The following AAK1 variants were observed in gnomAD, a reference collection of about 807,000 sequenced individuals.
AAK1 encodes AP2-associated protein kinase 1.
Under a neutral mutation model 116.0 loss-of-function variants are expected in AAK1, and 37 were observed. The observed-to-expected ratio is 0.32, with a 90% CI of 0.25 to 0.42. The LOEUF (loss-of-function observed/expected upper bound fraction) is 0.42. Ranked by LOEUF, AAK1 falls within the 10% of genes least tolerant of loss-of-function variation. The pLI is 1.00. For synonymous variants in AAK1, 458 were observed against 439.9 expected (o/e 1.04, Z -0.51); for missense variants, 919 against 1,170.6 (o/e 0.79, Z 3.14).
rs144361421 is a variant in AAK1 at position 69,586,876 on chromosome 2, C to T, written c.164-29898G>A. 6.4e-3 allele frequency among the ~76,000 whole-genome samples: 970 copies of T among 152,164 alleles called. 21 individuals are homozygous for T. Among genetic ancestry groups the T allele is most frequent in the East Asian group, 0.011 (59 of 5,182 alleles). On this transcript the variant is annotated intron_variant, in intron 2 of 21. Coordinates refer to ENST00000409085, the MANE Select transcript of AAK1 (RefSeq NM_014911.5). The stretch of plus-strand genomic sequence containing the variant: ...AATCCTTAGGGTGGTGGGTTTGGGT[C>T]GGGCGGAGGGTAAAATCTGCACAGG...
Position 69,473,958 on chromosome 2 carries a change from C to T in AAK1, c.*1911G>A. 1 of 985,804 alleles carries T rather than the reference C, an allele frequency of 1.0e-6. No individual in the cohort carries two copies. Among genetic ancestry groups the T allele is most frequent in the African/African-American group, 1.7e-5 (1 of 57,332 alleles). 61.1% of individuals were successfully genotyped at this position (985,804 alleles called of 1,614,324 possible). On this transcript the variant is annotated 3_prime_UTR_variant, in exon 22 of 22. Transcript: ENST00000409085. ...ATATCTTTTGCTTTTTAATCCTCGG[C>T]AGGAAGCTTGTGCCTCTCTCAGTTT...
chr2:69,531,952 T>C, intron 6 of AAK1, 89 bp downstream of exon 6: 2 of 1,556,610 alleles, frequency 1.3e-6, no homozygotes, highest in South Asian at 2.3e-5. Context: ...CACCATTCTC[T>C]CCCCACCCTG....
intron 3 of AAK1, among the ~76,000 whole-genome samples, chr2:69,552,375 A>G (rs1671218064): frequency 6.6e-6 from 1 of 152,226 alleles, no homozygotes; most frequent in Non-Finnish European, 1.5e-5. Flanking sequence ...TTAGATATCC[A>G]TAAGGAAAAA....
At chr2:69,637,430 G>A (rs1218195803) in intron 2 of AAK1, among the ~76,000 whole-genome samples, 3 of 152,116 alleles carry the variant, frequency 2.0e-5, no homozygotes, top group Admixed American at 6.5e-5. Context: ...TGAATGCTCA[G>A]TAACATTTAC....
intron 17 of AAK1, 57 bp from the exon 18 acceptor site, chr2:69,482,869 G>A (rs2104898716): frequency 2.8e-6 from 3 of 1,086,704 alleles, no homozygotes; most frequent in African/African-American, 1.6e-5. Context: ...ATTAAAGCCA[G>A]CGGATCATTC....
intron 16 of AAK1, among the ~76,000 whole-genome samples, chr2:69,505,339 C>A (rs1448201630): frequency 3.9e-5 from 6 of 152,012 alleles, no homozygotes; most frequent in Non-Finnish European, 8.8e-5. Flanking sequence ...GACTGTCCTG[C>A]CACTTTAATT....
At chr2:69,506,972 C>T (rs1256898016) in intron 15 of AAK1, among the ~76,000 whole-genome samples, 4 of 151,660 alleles carry the variant, frequency 2.6e-5, no homozygotes, top group Admixed American at 2.6e-4. Flanking sequence ...CTGTGTAGTA[C>T]AGTAATACAG....
chr2:69,551,971 A>T lies in AAK1; in HGVS notation c.282+4889T>A, dbSNP rs1054184455. Among the ~76,000 whole-genome samples, 5 of 152,160 alleles carry T rather than the reference A, an allele frequency of 3.3e-5. No individual in the cohort carries two copies. The East Asian group carries it at 9.6e-4, about 29-fold the overall frequency. ...AAGTAGAGAGGAATCTGCTTCTTTG[A>T]GTATGAACACCCAAACCTCAGCATA... On this transcript the variant is annotated intron_variant, in intron 3 of 21. Coordinates refer to ENST00000409085, the MANE Select transcript of AAK1 (RefSeq NM_014911.5).
At chr2:69,563,374 A>T (rs1671726834) in intron 2 of AAK1, among the ~76,000 whole-genome samples, 1 of 152,226 alleles carries the variant, frequency 6.6e-6, no homozygotes, top group Non-Finnish European at 1.5e-5. Context: ...AATGAGAATG[A>T]TTAGACTAGG....
chr2:69,503,018 G>A (rs560942410), intron 16 of AAK1, among the ~76,000 whole-genome samples: 26 of 152,198 alleles, frequency 1.7e-4, no homozygotes, highest in African/African-American at 6.0e-4. Context: ...ATTTCCAGAG[G>A]ACATTTAAAA....
Position 69,471,775 on chromosome 2 carries a change from G to A in AAK1, c.*4094C>T, listed in dbSNP as rs1674690883. The A allele has an allele frequency of 1.0e-6, 1 of 985,444 alleles. No homozygotes were observed. Among genetic ancestry groups the A allele is most frequent in the Non-Finnish European group, 1.2e-6 (1 of 829,938 alleles). The allele number at this position is 985,444 out of a possible 1,614,324, so 61.0% of individuals were successfully genotyped here. On this transcript the variant is annotated 3_prime_UTR_variant, in exon 22 of 22. Coordinates refer to ENST00000409085, the MANE Select transcript of AAK1 (RefSeq NM_014911.5). ...CACATCATAGGCTGTCAGCCCCAAAGATCCCTTCATTCCCACAGCACTGCT... is the reference window on the plus strand; with the variant it reads ...CACATCATAGGCTGTCAGCCCCAAAAATCCCTTCATTCCCACAGCACTGCT...
In AAK1 at chr2:69,472,422, G is replaced by T; in HGVS notation, c.*3447C>A. On this transcript the variant is annotated 3_prime_UTR_variant, in exon 22 of 22. Transcript: ENST00000409085. ...CTTGATATTATTTCTAAGGAGAGGA[G>T]TTTCAAAAATAACTTTAAGGATGGC... The T allele has an allele frequency of 3.7e-6, 1 of 270,912 alleles. No individual in the cohort carries two copies. The highest frequency in any genetic ancestry group is 5.7e-6 in the Non-Finnish European group (1 of 176,712). The allele number at this position is 270,912 out of a possible 1,614,324, so 16.8% of individuals were successfully genotyped here. A position where few individuals can be genotyped will look rare whatever the true frequency, so the allele number is the denominator to read the frequency against.
At chr2:69,581,617 T>G (rs1672549110) in intron 2 of AAK1, among the ~76,000 whole-genome samples, 2 of 152,132 alleles carry the variant, frequency 1.3e-5, no homozygotes, top group South Asian at 4.1e-4. Flanking sequence ...AGGGAGTAAT[T>G]TAAAAATGTA....
At chr2:69,612,507 A>C (rs1674131771) in intron 2 of AAK1, among the ~76,000 whole-genome samples, 1 of 152,264 alleles carries the variant, frequency 6.6e-6, no homozygotes, top group Non-Finnish European at 1.5e-5. Context: ...AGAATGGCAC[A>C]GCTGGCTCTA....
Position 69,465,515 on chromosome 2 carries a change from G to A in AAK1, c.*10354C>T, listed in dbSNP as rs1674456991. On this transcript the variant is annotated 3_prime_UTR_variant, in exon 22 of 22. Transcript: ENST00000409085. ...CCGTAGTCCTGGAGGAAAGGGATGTGATAGAAACAGACCCAGCTATCGACT... is the reference window on the plus strand; with the variant it reads ...CCGTAGTCCTGGAGGAAAGGGATGTAATAGAAACAGACCCAGCTATCGACT... 7.7e-7 allele frequency: 1 copy of A among 1,290,936 alleles called. No individual in the cohort carries two copies. The highest frequency in any genetic ancestry group is 1.0e-6 in the Non-Finnish European group (1 of 988,892). 80.0% of individuals were successfully genotyped at this position (1,290,936 alleles called of 1,614,324 possible). A position where few individuals can be genotyped will look rare whatever the true frequency, so the allele number is the denominator to read the frequency against.
intron 2 of AAK1, among the ~76,000 whole-genome samples, chr2:69,588,486 T>C (rs541571051): frequency 1.1e-3 from 161 of 152,282 alleles, no homozygotes; most frequent in South Asian, 7.3e-3. Flanking sequence ...TCCCTCTCTG[T>C]TATAACGGTT....
chr2:69,583,487 G>C (rs960237834), intron 2 of AAK1, among the ~76,000 whole-genome samples: 1 of 152,178 alleles, frequency 6.6e-6, no homozygotes, highest in Admixed American at 6.5e-5. Flanking sequence ...AAGGCAAAGA[G>C]ATTTTCTGTT....
At chr2:69,593,421 TACCACAAGTAA>T (rs904912889) in intron 2 of AAK1, among the ~76,000 whole-genome samples, 2 of 151,864 alleles carry the variant, frequency 1.3e-5, no homozygotes, top group Non-Finnish European at 2.9e-5. Context: ...TGTGTATTTT[TACCACAAGTAA>T]ATTTTTTTTA....
intron 2 of AAK1, among the ~76,000 whole-genome samples, chr2:69,618,090 C>G (rs889724864): frequency 6.6e-6 from 1 of 152,102 alleles, no homozygotes; most frequent in African/African-American, 2.4e-5. Flanking sequence ...TAAGCAGGAG[C>G]TCCCAGCAAT....
Sources: allele counts gnomAD v4.1 joint callset (sites outside exome capture counted in the v4.1 genomes callset), GRCh38; gene constraint gnomAD v4.1.1; transcripts MANE v1.5; gene names NCBI Gene and HGNC (gene_info 2026-07-23, HGNC 2026-07-21).